The following ZBTB7C variants were observed in gnomAD, a reference collection of about 807,000 sequenced individuals.
ZBTB7C encodes the protein zinc finger and BTB domain containing 7C.
A neutral mutation model predicts 25.7 loss-of-function variants in ZBTB7C; 8 were observed. That is an observed-to-expected ratio of 0.31 (90% confidence interval 0.18 to 0.56). The LOEUF is 0.56. ZBTB7C is among the 20% of genes least tolerant of loss of function. ZBTB7C has a pLI of 0.91. For synonymous variants in ZBTB7C, 394 were observed against 369.0 expected, an observed-to-expected ratio of 1.07 and a Z score of -0.78; for missense variants, 824 against 855.2, an observed-to-expected ratio of 0.96 and a Z score of 0.46.
intron 2 of ZBTB7C, among the ~76,000 whole-genome samples, chr18:48,308,749 G>A (rs1261229159): frequency 6.6e-6 from 1 of 152,162 alleles, no homozygotes; most frequent in East Asian, 1.9e-4. Flanking sequence ...TAGGCCAGTG[G>A]TTCTTAAATT....
intron 3 of ZBTB7C, among the ~76,000 whole-genome samples, chr18:48,111,406 G>T (rs1435346231): frequency 6.6e-6 from 1 of 152,166 alleles, no homozygotes; most frequent in African/African-American, 2.4e-5. Flanking sequence ...AGTGAACAAT[G>T]GATTTCAAAA....
At chr18:48,196,038 A>G (rs909005274) in intron 2 of ZBTB7C, among the ~76,000 whole-genome samples, 12 of 152,240 alleles carry the variant, frequency 7.9e-5, no homozygotes, top group Non-Finnish European at 1.5e-4. Context: ...CATCTTGGAC[A>G]GCAGCCTTCC....
At chr18:48,138,928 G>A (rs1598953666) in intron 3 of ZBTB7C, among the ~76,000 whole-genome samples, 1 of 152,340 alleles carries the variant, frequency 6.6e-6, no homozygotes, top group East Asian at 1.9e-4. Flanking sequence ...CCTGGGTGGA[G>A]GTGGGGTGGG....
chr18:48,175,937 T>C (rs546659345), intron 3 of ZBTB7C, among the ~76,000 whole-genome samples: 2 of 152,324 alleles, frequency 1.3e-5, no homozygotes, highest in South Asian at 4.1e-4. Flanking sequence ...AAATGCATCA[T>C]TGTGCAACCT....
chr18:48,115,690 T>G (rs8098389), intron 3 of ZBTB7C, among the ~76,000 whole-genome samples: 3 of 152,334 alleles, frequency 2.0e-5, no homozygotes, highest in South Asian at 2.1e-4. Context: ...TAGTATCTGT[T>G]TGAATGCCCG....
intron 3 of ZBTB7C, among the ~76,000 whole-genome samples, chr18:48,076,728 A>G (rs2037779264): frequency 6.6e-6 from 1 of 152,146 alleles, no homozygotes; most frequent in Non-Finnish European, 1.5e-5. Context: ...TGACCCACGG[A>G]GACCTTGGGA....
At chr18:48,167,161 G>T (rs991259650) in intron 3 of ZBTB7C, among the ~76,000 whole-genome samples, 2 of 152,246 alleles carry the variant, frequency 1.3e-5, no homozygotes, top group South Asian at 2.1e-4. Flanking sequence ...CCCTTCCAGG[G>T]TTCCCGCCCA....
At chr18:48,226,581 G>C (rs1438183005) in intron 2 of ZBTB7C, among the ~76,000 whole-genome samples, 1 of 152,128 alleles carries the variant, frequency 6.6e-6, no homozygotes, top group East Asian at 1.9e-4. Context: ...AAGCACCTGG[G>C]GGTAAAATAT....
intron 2 of ZBTB7C, among the ~76,000 whole-genome samples, chr18:48,247,315 AAAC>A (rs1186903208): frequency 6.6e-5 from 10 of 152,236 alleles, no homozygotes; most frequent in South Asian, 2.1e-4. Flanking sequence ...AAGTTTTTAA[AAAC>A]AACGACAGAA....
At chr18:48,306,553 C>G (rs2045678749) in intron 2 of ZBTB7C, among the ~76,000 whole-genome samples, 1 of 152,178 alleles carries the variant, frequency 6.6e-6, no homozygotes, top group Non-Finnish European at 1.5e-5. Flanking sequence ...AATTAATGAA[C>G]AGTCCAGTAT....
chr18:48,035,367 C>G (rs1871702740), intron 4 of ZBTB7C, among the ~76,000 whole-genome samples: 1 of 152,218 alleles, frequency 6.6e-6, no homozygotes, highest in African/African-American at 2.4e-5. Context: ...CTACTGTCCC[C>G]ATCAGGCATG....
At chr18:48,165,422 G>C in intron 3 of ZBTB7C, 1 of 322,672 alleles carries the variant, frequency 3.1e-6, no homozygotes, top group East Asian at 8.8e-5. Flanking sequence ...TGTATTCAGA[G>C]AGCAAACTTG....
intron 3 of ZBTB7C, among the ~76,000 whole-genome samples, chr18:48,089,459 G>A (rs1448064826): frequency 7.5e-5 from 11 of 146,720 alleles, no homozygotes; most frequent in African/African-American, 2.8e-4. Flanking sequence ...GTGACAGAGC[G>A]AGACTCAAGA....
chr18:48,133,515 G>T (rs2040051142), intron 3 of ZBTB7C, among the ~76,000 whole-genome samples: 2 of 152,050 alleles, frequency 1.3e-5, no homozygotes, highest in South Asian at 4.1e-4. Flanking sequence ...TGATACCTCA[G>T]GGTCTATCAG....
At chr18:48,344,070 C>T (rs956632053) in intron 1 of ZBTB7C, among the ~76,000 whole-genome samples, 3 of 152,162 alleles carry the variant, frequency 2.0e-5, no homozygotes, top group Non-Finnish European at 4.4e-5. Flanking sequence ...CTGCAACCTC[C>T]ACCTCCCAGG....
chr18:48,224,601 C>G (rs1369084892), intron 2 of ZBTB7C, among the ~76,000 whole-genome samples: 2 of 152,134 alleles, frequency 1.3e-5, no homozygotes, highest in Non-Finnish European at 2.9e-5. Flanking sequence ...TTCCAGAACT[C>G]TGTTCCAGTA....
chr18:48,034,411 G>A (rs893117041), intron 4 of ZBTB7C, among the ~76,000 whole-genome samples: 3 of 152,010 alleles, frequency 2.0e-5, no homozygotes, highest in Non-Finnish European at 2.9e-5. Flanking sequence ...CTCCTTCCCC[G>A]TGTGTGCATG....
intron 1 of ZBTB7C, among the ~76,000 whole-genome samples, chr18:48,375,251 T>C (rs1244330353): frequency 6.6e-6 from 1 of 152,132 alleles, no homozygotes; most frequent in African/African-American, 2.4e-5. Context: ...ACCCGCAGTC[T>C]CTCCCCGCCT....
At chr18:48,365,632 T>C (rs888821049) in intron 1 of ZBTB7C, among the ~76,000 whole-genome samples, 1 of 152,090 alleles carries the variant, frequency 6.6e-6, no homozygotes, top group African/African-American at 2.4e-5. Flanking sequence ...GACACCTGGA[T>C]TGCAGTCTTA....
Sources: gnomAD v4.1 joint callset for allele counts (sites outside exome capture counted in the v4.1 genomes callset) on GRCh38, gnomAD v4.1.1 for gene constraint, MANE v1.5 for transcripts, NCBI Gene and HGNC (gene_info 2026-07-23, HGNC 2026-07-21) for gene names.